Variants in RTTN observed in about 807,000 individuals in gnomAD.
The protein encoded by RTTN is rotatin.
RTTN carries 182 observed loss-of-function variants against 269.2 expected under a neutral mutation model. The observed-to-expected ratio is 0.68, with a 90% CI of 0.60 to 0.76. The LOEUF is 0.76. Among genes scored for constraint, RTTN ranks in the 30% least tolerant of loss-of-function variants. RTTN has a pLI of 0.00. For missense variants in RTTN, 2,545 were observed against 2,608.6 expected, an observed-to-expected ratio of 0.98 and a Z score of 0.53; for synonymous variants, 1,006 against 963.5, an observed-to-expected ratio of 1.04 and a Z score of -0.82.
intron 43 of RTTN, 99 bp downstream of exon 43, chr18:70,028,625 T>C (rs2056920662): frequency 4.6e-6 from 3 of 658,830 alleles, no homozygotes; most frequent in Non-Finnish European, 7.6e-6. Context: ...AATTTAAAAG[T>C]CAGAGCTTTC....
intron 4 of RTTN, among the ~76,000 whole-genome samples, chr18:70,201,530 C>T (rs1452764350): frequency 2.1e-5 from 3 of 141,886 alleles, no homozygotes; most frequent in Non-Finnish European, 4.6e-5. Flanking sequence ...ATGGCGTGAA[C>T]CCGGGAGGCG....
At chr18:70,051,264 A>G (rs1721391105) in intron 39 of RTTN, 147 bp downstream of exon 39, 2 of 933,704 alleles carry the variant, frequency 2.1e-6, no homozygotes, top group South Asian at 6.5e-5. Flanking sequence ...GAACACTGCA[A>G]ATTTTTCAAA....
chr18:70,169,500 C>T (rs1290480963), intron 11 of RTTN, among the ~76,000 whole-genome samples: 1 of 152,130 alleles, frequency 6.6e-6, no homozygotes, highest in East Asian at 1.9e-4. Context: ...CTGAACATGA[C>T]AGAGCTTATT....
chr18:70,134,392 T>C, intron 23 of RTTN, 81 bp downstream of exon 23: 7 of 1,071,634 alleles, frequency 6.5e-6, no homozygotes, highest in Admixed American at 2.2e-5. Flanking sequence ...AAATGAAAAT[T>C]GTGACAAATT....
At chr18:70,040,651 A>C (rs1278287046) in intron 40 of RTTN, among the ~76,000 whole-genome samples, 2 of 152,242 alleles carry the variant, frequency 1.3e-5, no homozygotes, top group Non-Finnish European at 2.9e-5. Flanking sequence ...CGAACATTTC[A>C]TCTAATGGCT....
chr18:70,010,777 C>CAA (rs749692622), intron 46 of RTTN, among the ~76,000 whole-genome samples: 2 of 151,968 alleles, frequency 1.3e-5, no homozygotes, highest in Admixed American at 6.6e-5. Flanking sequence ...AAAAACCCTT[C>CAA]AAAAAATCAA....
Position 70,199,422 on chromosome 18 carries a change from A to G in RTTN, c.570T>C (p.Ser190=). ...LTTTDRHVLS[S]NESSLRSSNH... ...TACATCAAGCACCGTACCTTTCATT[A>G]GAGGAGAGGACATGTCTGTCTGTGG... The change falls in exon 5 of 49, where the codon TCT becomes TCC. Residue 190 remains serine, a synonymous_variant. Coordinates refer to ENST00000640769, the MANE Select transcript of RTTN (RefSeq NM_173630.4). 3 of 1,606,976 alleles carry G rather than the reference A, an allele frequency of 1.9e-6. No individual in the cohort carries two copies. Among genetic ancestry groups the G allele is most frequent in the Non-Finnish European group, 2.6e-6 (3 of 1,173,724 alleles).
chr18:70,104,879 C>T (rs955351201), intron 28 of RTTN, among the ~76,000 whole-genome samples: 1 of 152,058 alleles, frequency 6.6e-6, no homozygotes, highest in Non-Finnish European at 1.5e-5. Flanking sequence ...AGAGGGGCAC[C>T]CGGCTGTATG....
chr18:70,143,667 C>T (rs1328804308), intron 18 of RTTN, among the ~76,000 whole-genome samples: 1 of 151,766 alleles, frequency 6.6e-6, no homozygotes, highest in Non-Finnish European at 1.5e-5. Flanking sequence ...ACCAGGGTGA[C>T]GAAATAATCT....
chr18:70,088,772 T>G (rs114345743), intron 30 of RTTN, among the ~76,000 whole-genome samples: 1 of 152,144 alleles, frequency 6.6e-6, no homozygotes, highest in Non-Finnish European at 1.5e-5. Flanking sequence ...AATGCAGTCA[T>G]AAAATTGTCA....
At position 70,127,539 on chromosome 18, in the gene RTTN, T is replaced by C. The variant is rs2059896238; in HGVS notation, c.3346A>G (p.Thr1116Ala). ...LKGCPGPCGV[T>A]LKSLAWHTAL... is the part of the protein sequence containing the mutation. ...GTGTGCCAAGCCAAGGACTTCAAGGTAACCCCACATGGACCAGGGCAACCC... is the reference window on the plus strand; with the variant it reads ...GTGTGCCAAGCCAAGGACTTCAAGGCAACCCCACATGGACCAGGGCAACCC... Residue 1116 changes from threonine (T) to alanine (A), a missense_variant, in exon 25 of 49, where the codon ACC becomes GCC. By Grantham distance (58) the Thr-to-Ala change is moderately conservative. Coordinates refer to ENST00000640769, the MANE Select transcript of RTTN (RefSeq NM_173630.4). The C allele has an allele frequency of 1.9e-6, 3 of 1,613,350 alleles. No homozygotes were observed. Among genetic ancestry groups the C allele is most frequent in the Admixed American group, 1.7e-5 (1 of 59,828 alleles).
At chr18:70,133,658 G>C (rs1049900356) in intron 23 of RTTN, among the ~76,000 whole-genome samples, 1 of 152,166 alleles carries the variant, frequency 6.6e-6, no homozygotes, top group South Asian at 2.1e-4. Flanking sequence ...TCAAAAACTA[G>C]CAAAAATAAT....
chr18:70,080,962 ACACACACACACT>A (rs1270047533), intron 32 of RTTN, among the ~76,000 whole-genome samples: 1 of 143,714 alleles, frequency 7.0e-6, no homozygotes, highest in Non-Finnish European at 1.5e-5. Flanking sequence ...ACACACACAC[ACACACACACACT>A]ATGGAATACT....
At chr18:70,198,731 C>G (rs1256134076) in intron 5 of RTTN, among the ~76,000 whole-genome samples, 2 of 152,160 alleles carry the variant, frequency 1.3e-5, no homozygotes, top group African/African-American at 4.8e-5. Flanking sequence ...TAATTTGTCT[C>G]CTAATGAAGC....
intron 25 of RTTN, among the ~76,000 whole-genome samples, chr18:70,122,322 G>A (rs2059759931): frequency 6.6e-6 from 1 of 151,950 alleles, no homozygotes; most frequent in African/African-American, 2.4e-5. Context: ...ATTTAAAAGG[G>A]AGAAGTAGTT....
At chr18:70,202,015 G>T (rs1454100251) in intron 3 of RTTN, 32 bp from the exon 4 acceptor site, 5 of 1,243,240 alleles carry the variant, frequency 4.0e-6, no homozygotes, top group South Asian at 2.5e-5. Flanking sequence ...CTGTATTGTC[G>T]ATTCCTTATT....
chr18:70,033,026 A>C (rs532632324), intron 40 of RTTN, among the ~76,000 whole-genome samples: 5 of 152,336 alleles, frequency 3.3e-5, no homozygotes, highest in Non-Finnish European at 7.3e-5. Flanking sequence ...TGTAGTCCCC[A>C]ATGTTGGGAA....
chr18:70,114,476 A>T lies in RTTN; in HGVS notation c.3652T>A (p.Leu1218Met). Reference protein sequence around the residue: ...QKELIALFDTLLLNFMEVTDR... With the variant: ...QKELIALFDTMLLNFMEVTDR... The stretch of plus-strand genomic sequence containing the variant: ...GTAACTTCCATGAAATTGAGCAGCA[A>T]GGTATCAAAAAGAGCAATCAGTTCT... The change falls in exon 27 of 49, where the codon TTG becomes ATG. Residue 1218 changes from leucine to methionine, a missense_variant. Coordinates refer to ENST00000640769, the MANE Select transcript of RTTN (RefSeq NM_173630.4). 1 of 1,613,364 alleles carries T rather than the reference A, an allele frequency of 6.2e-7. No homozygotes were observed. The highest frequency in any genetic ancestry group is 8.5e-7 in the Non-Finnish European group (1 of 1,179,502).
intron 32 of RTTN, among the ~76,000 whole-genome samples, chr18:70,077,219 CCATA>C (rs1259085495): frequency 2.0e-5 from 3 of 151,786 alleles, no homozygotes; most frequent in African/African-American, 7.3e-5. Flanking sequence ...AAATATTTTG[CCATA>C]CAGATTATAT....
Sources: allele counts gnomAD v4.1 joint callset (sites outside exome capture counted in the v4.1 genomes callset), GRCh38; gene constraint gnomAD v4.1.1; transcripts MANE v1.5; gene names NCBI Gene and HGNC (gene_info 2026-07-23, HGNC 2026-07-21).